Variants in EDC3 observed in about 807,000 individuals in gnomAD.
EDC3 encodes the protein enhancer of mRNA decapping 3.
In EDC3, 20 loss-of-function variants were observed where a neutral mutation model predicts 41.8. The ratio of observed to expected loss-of-function variants is 0.48; its 90% CI spans 0.34 to 0.70. The LOEUF (loss-of-function observed/expected upper bound fraction) is 0.70, where lower values mean the gene tolerates loss of function less well. Among genes scored for constraint, EDC3 ranks in the 30% least tolerant of loss-of-function variants. EDC3 has a pLI of 0.01. For missense variants in EDC3, 444 were observed against 636.8 expected (o/e 0.70, Z 3.26); for synonymous variants, 206 against 243.2 (o/e 0.85, Z 1.42).
At chr15:74,652,537 T>C (rs909761011) in intron 4 of EDC3, among the ~76,000 whole-genome samples, 2 of 148,242 alleles carry the variant, frequency 1.3e-5, no homozygotes. Flanking sequence ...CTTTTCCTCA[T>C]TTTTATTCAC....
intron 1 of EDC3, among the ~76,000 whole-genome samples, chr15:74,680,637 G>A (rs1428370257): frequency 2.0e-5 from 3 of 151,908 alleles, no homozygotes; most frequent in Admixed American, 6.6e-5. Flanking sequence ...AGAAGTTCTC[G>A]CAATAAAGCA....
At chr15:74,681,775 T>C (rs956951788) in intron 1 of EDC3, among the ~76,000 whole-genome samples, 2 of 152,196 alleles carry the variant, frequency 1.3e-5, no homozygotes, top group Non-Finnish European at 2.9e-5. Context: ...TGAACTTAAA[T>C]GTAAAACATC....
intron 4 of EDC3, 72 bp downstream of exon 4, chr15:74,655,661 C>T: frequency 7.0e-7 from 1 of 1,432,240 alleles, no homozygotes; most frequent in South Asian, 1.4e-5. Flanking sequence ...ACTCAGAAGC[C>T]AGGTCTTTCT....
intron 1 of EDC3, among the ~76,000 whole-genome samples, chr15:74,681,727 G>T (rs1384445948): frequency 6.6e-6 from 1 of 152,082 alleles, no homozygotes; most frequent in East Asian, 1.9e-4. Flanking sequence ...TCAAACTAAG[G>T]TTCACACTTT....
rs1244903408 is a variant in EDC3, at chr15:74,632,456, GT to G, written c.*155del. 2.2e-6 allele frequency: 2 copies of G among 910,374 alleles called. No individual in the cohort carries two copies. Among genetic ancestry groups the G allele is most frequent in the East Asian group, 5.3e-5 (2 of 37,862 alleles). The allele number at this position is 910,374 out of a possible 1,614,324, so 56.4% of individuals were successfully genotyped here. A position where few individuals can be genotyped will look rare whatever the true frequency, so the allele number is the denominator to read the frequency against. On this transcript the variant is annotated 3_prime_UTR_variant, in exon 7 of 7. Transcript: ENST00000315127. This position sits in a 1 kb window ranked among gnomAD's most constrained non-coding sequence, Gnocchi z 4.0. ...GAAAGACTTCCCTGGCTAAGAGCAA[GT>G]GACAGGTCAGTTTTAAGTAAGTTCT...
At chr15:74,651,337 G>C (rs1341706722) in intron 4 of EDC3, among the ~76,000 whole-genome samples, 1 of 152,206 alleles carries the variant, frequency 6.6e-6, no homozygotes, top group Non-Finnish European at 1.5e-5. Flanking sequence ...CCCTGCCAAA[G>C]AACCTGAAAG....
intron 3 of EDC3, among the ~76,000 whole-genome samples, chr15:74,657,629 G>T (rs943878135): frequency 1.3e-5 from 2 of 152,136 alleles, no homozygotes; most frequent in Admixed American, 1.3e-4. Context: ...GTAAAAGAAG[G>T]CCTGGTCTTA....
At chr15:74,655,604 G>A (rs555321807) in intron 4 of EDC3, 129 bp downstream of exon 4, 225 of 905,822 alleles carry the variant, frequency 2.5e-4, no homozygotes, top group East Asian at 4.2e-4. Context: ...CAATAATACC[G>A]GGCCAGCCAC....
Position 74,655,720 on chromosome 15 carries a change from T to C in EDC3, c.820+13A>G. On this transcript the variant is annotated intron_variant, in intron 4 of 6. Transcript: ENST00000315127. ...ACAGCAACCAGCAGGATGTGGGACC[T>C]GATGCAACTCACCCGTGCAGAACTC... 6.3e-7 allele frequency: 1 copy of C among 1,590,772 alleles called. No individual in the cohort carries two copies. Among genetic ancestry groups the C allele is most frequent in the Non-Finnish European group, 8.6e-7 (1 of 1,164,378 alleles).
chr15:74,674,832 C>G, intron 2 of EDC3, 129 bp downstream of exon 2: 2 of 1,089,274 alleles, frequency 1.8e-6, no homozygotes, highest in East Asian at 2.4e-5. Context: ...CTGGCCAACA[C>G]AGTGAAACCC....
At chr15:74,694,691 T>A (rs1368737391) in intron 1 of EDC3, among the ~76,000 whole-genome samples, 1 of 152,268 alleles carries the variant, frequency 6.6e-6, no homozygotes, top group East Asian at 1.9e-4. Context: ...TTAGAGTGCA[T>A]CTTCTGTAGA....
At chr15:74,690,822 T>C (rs949773145) in intron 1 of EDC3, among the ~76,000 whole-genome samples, 3 of 150,352 alleles carry the variant, frequency 2.0e-5, no homozygotes, top group Admixed American at 2.0e-4. Context: ...CACAATCCCC[T>C]ATCTAAATCC....
At chr15:74,644,680 A>G (rs1287050180) in intron 4 of EDC3, 1 of 151,610 alleles carries the variant, frequency 6.6e-6, no homozygotes, top group Non-Finnish European at 1.5e-5. Context: ...ATATAAATAA[A>G]TCTGACTCCC....
rs2062335828 is a variant in EDC3 at position 74,640,465 on chromosome 15, C to T, written c.974+1G>A. On this transcript the variant is annotated splice_donor_variant, in intron 5 of 6. Coordinates refer to ENST00000315127, the MANE Select transcript of EDC3 (RefSeq NM_025083.5). LOFTEE classifies it high-confidence loss of function. Reference sequence around the variant, plus strand: ...GTCCCTGCCAGTTTATAGACATTTACCTGTTAGGTCCTCCGAGGAGGGTCA... The same window carrying T: ...GTCCCTGCCAGTTTATAGACATTTATCTGTTAGGTCCTCCGAGGAGGGTCA... 1 of 1,613,734 alleles carries T rather than the reference C, an allele frequency of 6.2e-7. No homozygotes were observed.
intron 4 of EDC3, among the ~76,000 whole-genome samples, chr15:74,649,242 G>A (rs1440087584): frequency 6.7e-6 from 1 of 149,996 alleles, no homozygotes; most frequent in Admixed American, 6.6e-5. Context: ...TTTTTTTTTT[G>A]TTATTTTTAG....
intron 5 of EDC3, chr15:74,640,194 T>G (rs2062331876): frequency 5.2e-6 from 2 of 382,758 alleles, no homozygotes; most frequent in Admixed American, 4.3e-5. Context: ...AGGCTTCTGA[T>G]AGTTAGCAGG....
intron 5 of EDC3, chr15:74,637,089 T>A (rs2062283465): frequency 6.6e-6 from 1 of 152,234 alleles, no homozygotes; most frequent in African/African-American, 2.4e-5. Flanking sequence ...GGGCTATTAT[T>A]TAGCTTTGAG....
chr15:74,649,863 G>T (rs565120671), intron 4 of EDC3, among the ~76,000 whole-genome samples: 24 of 140,330 alleles, frequency 1.7e-4, no homozygotes, highest in Admixed American at 6.1e-4. Context: ...GAAAAAAAGG[G>T]GGGGGGGGTC....
chr15:74,695,061 T>G (rs1347615423), intron 1 of EDC3, among the ~76,000 whole-genome samples: 2 of 152,044 alleles, frequency 1.3e-5, no homozygotes, highest in African/African-American at 2.4e-5. Flanking sequence ...GACCTGTATT[T>G]GAGACAGCAG....
Sources: gnomAD v4.1 joint callset for allele counts (sites outside exome capture counted in the v4.1 genomes callset) on GRCh38, gnomAD v4.1.1 for gene constraint, Gnocchi (gnomAD v3.1) non-coding constraint, MANE v1.5 for transcripts, NCBI Gene and HGNC (gene_info 2026-07-23, HGNC 2026-07-21) for gene names.